Variants in METTL22 observed in about 807,000 individuals in gnomAD.
METTL22 encodes methyltransferase-like protein 22.
Under a neutral mutation model 48.4 loss-of-function variants are expected in METTL22, and 51 were observed. The ratio of observed to expected loss-of-function variants is 1.05; its 90% confidence interval spans 0.84 to 1.33. The LOEUF (loss-of-function observed/expected upper bound fraction) is 1.33, where lower values mean the gene tolerates loss of function less well. Among genes scored for constraint, METTL22 ranks in the 40% most tolerant of loss-of-function variants. The pLI is 0.00. For synonymous variants in METTL22, 255 were observed against 214.1 expected (o/e 1.19, Z -1.67); for missense variants, 678 against 526.9 (o/e 1.29, Z -2.81).
At chr16:8,643,810 C>T (rs1222985852) in intron 9 of METTL22, among the ~76,000 whole-genome samples, 2 of 152,072 alleles carry the variant, frequency 1.3e-5, no homozygotes, top group South Asian at 2.1e-4. Flanking sequence ...AACGGGGTTT[C>T]ACCATGTCGT....
At chr16:8,655,769 T>C in the METTL22 span, among the ~76,000 whole-genome samples, 11 of 152,350 alleles carry the variant, frequency 7.2e-5, no homozygotes, top group African/African-American at 2.6e-4. Context: ...ACAGCTGATG[T>C]CCATTGAGCA....
intron 2 of METTL22, among the ~76,000 whole-genome samples, chr16:8,627,571 A>G (rs1309992690): frequency 2.0e-5 from 3 of 152,170 alleles, no homozygotes; most frequent in Non-Finnish European, 2.9e-5. Flanking sequence ...GGTACATTAT[A>G]CCAGGGGTAT....
At chr16:8,656,957 G>GGAACCCACTCCCGAGAAGAC in the METTL22 span, among the ~76,000 whole-genome samples, 2 of 152,172 alleles carry the variant, frequency 1.3e-5, no homozygotes, top group Non-Finnish European at 2.9e-5. Flanking sequence ...CCTTTTATAA[G>GGAACCCACTCCCGAGAAGAC]GAACCCACTC....
At chr16:8,629,480 G>A (rs1318692435) in intron 3 of METTL22, among the ~76,000 whole-genome samples, 1 of 152,230 alleles carries the variant, frequency 6.6e-6, no homozygotes, top group African/African-American at 2.4e-5. Flanking sequence ...AGCGTGTTGG[G>A]GGTGTGGGAC....
At chr16:8,624,385 C>G (rs370821089) in intron 1 of METTL22, among the ~76,000 whole-genome samples, 1 of 121,616 alleles carries the variant, frequency 8.2e-6, no homozygotes, top group Admixed American at 8.2e-5. Flanking sequence ...TTTTTAATTT[C>G]TTTTTGAGAC....
chr16:8,623,547 C>G (rs2055935529), intron 1 of METTL22: 1 of 152,102 alleles, frequency 6.6e-6, no homozygotes, highest in African/African-American at 2.4e-5. Flanking sequence ...TGTGGTTTTG[C>G]CAGTCCGATT....
chr16:8,640,326 T>C (rs902870873), intron 6 of METTL22, among the ~76,000 whole-genome samples: 1 of 152,084 alleles, frequency 6.6e-6, no homozygotes, highest in Admixed American at 6.6e-5. Context: ...CTCATCCTTC[T>C]GGCATCACCC....
chr16:8,624,474 G>T (rs1375693984), intron 1 of METTL22, among the ~76,000 whole-genome samples: 5 of 151,362 alleles, frequency 3.3e-5, no homozygotes, highest in African/African-American at 9.7e-5. Context: ...CTGCCTTTTG[G>T]TGTCAAGCGA....
downstream of METTL22, among the ~76,000 whole-genome samples, chr16:8,651,478 A>C (rs533445586): frequency 1.3e-5 from 2 of 151,350 alleles, no homozygotes; most frequent in Admixed American, 1.3e-4. Flanking sequence ...TTGCAGACTT[A>C]GTCCTAAGGT....
intron 5 of METTL22, among the ~76,000 whole-genome samples, chr16:8,635,759 A>C (rs1353088402): frequency 1.3e-5 from 2 of 152,234 alleles, no homozygotes; most frequent in Non-Finnish European, 2.9e-5. Flanking sequence ...CCCTAGATTG[A>C]ATCAACAATA....
At chr16:8,622,328 CT>C (rs1457430199) in intron 1 of METTL22, among the ~76,000 whole-genome samples, 1 of 152,222 alleles carries the variant, frequency 6.6e-6, no homozygotes, top group Non-Finnish European at 1.5e-5. Context: ...TCCCAGCACA[CT>C]GCTTATTTGG....
chr16:8,658,891 C>T, the METTL22 span, among the ~76,000 whole-genome samples: 5 of 152,136 alleles, frequency 3.3e-5, no homozygotes, highest in Non-Finnish European at 4.4e-5. Flanking sequence ...CATATTGAAT[C>T]CTCCCCACTC....
rs1348356251 is a variant in METTL22, at chr16:8,648,699, A to C, written c.*2556A>C. On this transcript the variant is annotated 3_prime_UTR_variant, in exon 11 of 11. Transcript: ENST00000381920. Reference sequence around the variant, plus strand: ...ACTACTCAGAAGGCAAGGTGAGAGGATTGCTTGAGCCTAAGAATTTGAGGC... The same window carrying C: ...ACTACTCAGAAGGCAAGGTGAGAGGCTTGCTTGAGCCTAAGAATTTGAGGC... 1.3e-5 allele frequency: 2 copies of C among 152,052 alleles called. No homozygotes were observed. The highest frequency in any genetic ancestry group is 2.9e-5 in the Non-Finnish European group (2 of 68,134). 9.4% of individuals were successfully genotyped at this position (152,052 alleles called of 1,614,324 possible).
At chr16:8,652,289 T>G (rs1408190475), downstream of METTL22, among the ~76,000 whole-genome samples, 1 of 150,096 alleles carries the variant, frequency 6.7e-6, no homozygotes, top group Non-Finnish European at 1.5e-5. Flanking sequence ...TGAAACCCCA[T>G]CTCTACCAAA....
chr16:8,639,909 C>T (rs1169868699), intron 6 of METTL22, among the ~76,000 whole-genome samples: 1 of 152,080 alleles, frequency 6.6e-6, no homozygotes, highest in Non-Finnish European at 1.5e-5. Flanking sequence ...CAGCCGACCT[C>T]ACCGTCTTTC....
At chr16:8,660,519 G>A in the METTL22 span, among the ~76,000 whole-genome samples, 1 of 151,872 alleles carries the variant, frequency 6.6e-6, no homozygotes, top group Non-Finnish European at 1.5e-5. Flanking sequence ...CTACTTCCTA[G>A]AAGAATCCCT....
chr16:8,658,326 T>G, the METTL22 span, among the ~76,000 whole-genome samples: 1 of 152,226 alleles, frequency 6.6e-6, no homozygotes, highest in Admixed American at 6.5e-5. Context: ...TTTACAGAAC[T>G]GAAATAATCC....
the METTL22 span, among the ~76,000 whole-genome samples, chr16:8,656,209 G>A: frequency 6.6e-6 from 1 of 152,100 alleles, no homozygotes; most frequent in African/African-American, 2.4e-5. Context: ...AGCCTCCCAA[G>A]GAGCTAGGAC....
rs34726811 is a variant in METTL22, at chr16:8,626,761, C to CTTTTT, written c.133+982_133+986dup. Among the ~76,000 whole-genome samples the CTTTTT allele has an allele frequency of 4.3e-3, 228 of 52,534 alleles. 12 individuals are homozygous for CTTTTT. The highest frequency in any genetic ancestry group is 0.02 in the Middle Eastern group (1 of 50). The allele number at this position is 52,534 out of a possible 152,430, so 34.5% of individuals were successfully genotyped here. A position where few individuals can be genotyped will look rare whatever the true frequency, so the allele number is the denominator to read the frequency against. On this transcript the variant is annotated intron_variant, in intron 2 of 10. Coordinates refer to ENST00000381920, the MANE Select transcript of METTL22 (RefSeq NM_024109.4). ...ACCGCATCCAACCCTGTCCTCTACT[C>CTTTTT]TTTTTTTTTTTTTTTTTTTTTTTGA... is the stretch of plus-strand genomic sequence containing the variant.
Sources: gnomAD v4.1 joint callset for allele counts (sites outside exome capture counted in the v4.1 genomes callset) on GRCh38, gnomAD v4.1.1 for gene constraint, MANE v1.5 for transcripts, NCBI Gene and HGNC (gene_info 2026-07-23, HGNC 2026-07-21) for gene names.